Variants in FLT4 observed in about 807,000 individuals in gnomAD.
FLT4 encodes the protein vascular endothelial growth factor receptor 3.
Under a neutral mutation model 163.2 loss-of-function variants are expected in FLT4, and 30 were observed. That is an observed-to-expected ratio of 0.18 (90% confidence interval 0.14 to 0.25). The LOEUF (loss-of-function observed/expected upper bound fraction) is 0.25. Among genes scored for constraint, FLT4 ranks in the 10% least tolerant of loss-of-function variants. The pLI is 1.00. For synonymous variants in FLT4, 884 were observed against 789.5 expected (o/e 1.12, Z -2.01); for missense variants, 1,510 against 1,863.8 (o/e 0.81, Z 3.50).
rs778806900 is a variant in FLT4 at position 180,616,408 on chromosome 5, G to A, written c.3178C>T (p.Arg1060Trp). ...VVKICDFGLARDIYKDPDYVR... is the reference protein window; with the variant it reads ...VVKICDFGLAWDIYKDPDYVR... ...TAGTCGGGGTCTTTGTAGATGTCCC[G>A]GGCAAGGCCAAAGTCACAGATCTTC... The change falls in exon 23 of 30, where the codon CGG becomes TGG. Residue 1060 changes from arginine (R) to tryptophan (W), a missense_variant. Around this residue, in one of 5 missense-constraint regions of FLT4, gnomAD observed 878 missense variants for 1,016.7 expected, o/e 0.86. Transcript: ENST00000261937. 1.1e-5 allele frequency: 18 copies of A among 1,613,884 alleles called. No homozygotes were observed. The East Asian group carries it at 2.4e-4, about 22-fold the overall frequency.
intron 26 of FLT4, among the ~76,000 whole-genome samples, chr5:180,612,196 C>T (rs1482249171): frequency 5.3e-5 from 8 of 152,164 alleles, no homozygotes; most frequent in African/African-American, 7.2e-5. Context: ...TACATCATGA[C>T]GATGCCAGGG....
chr5:180,648,679 C>G (rs995180847), intron 1 of FLT4, among the ~76,000 whole-genome samples: 45 of 152,158 alleles, frequency 3.0e-4, no homozygotes, highest in African/African-American at 1.0e-3. Flanking sequence ...GTCCCTCTTT[C>G]CAACCCCTCC....
chr5:180,606,621 C>T (rs1171607947), intron 29 of FLT4, among the ~76,000 whole-genome samples: 4 of 152,228 alleles, frequency 2.6e-5, no homozygotes, highest in Non-Finnish European at 2.9e-5. Flanking sequence ...TTTGAATTTA[C>T]GTGGCGATCA....
chr5:180,635,882 T>A (rs1339716676), intron 1 of FLT4, among the ~76,000 whole-genome samples: 1 of 73,414 alleles, frequency 1.4e-5, no homozygotes. Flanking sequence ...GGTGGATGGA[T>A]GGATGGGAGT....
At chr5:180,603,478 T>G in intron 29 of FLT4, 88 bp from the exon 30 acceptor site, 13 of 1,237,236 alleles carry the variant, frequency 1.1e-5, no homozygotes, top group Non-Finnish European at 1.5e-5. Context: ...TTGGGAGGCC[T>G]AGGCAGGCGG....
chr5:180,606,229 C>T (rs1318659694), intron 29 of FLT4, among the ~76,000 whole-genome samples: 1 of 152,208 alleles, frequency 6.6e-6, no homozygotes, highest in East Asian at 1.9e-4. Flanking sequence ...TTCCTTAGGA[C>T]CCATGTCTTC....
At chr5:180,606,912 A>AC (rs1260951118) in intron 29 of FLT4, among the ~76,000 whole-genome samples, 4,539 of 108,028 alleles carry the variant, frequency 0.042, 96 homozygotes, top group Non-Finnish European at 0.054. Flanking sequence ...AAAAAAAAAA[A>AC]AAACAAACAA....
In FLT4 at chr5:180,620,941, C is replaced by T. The variant is rs184409663; in HGVS notation, c.2234G>A (p.Arg745His). ...GGCGTTGCACACGCTGCACAGATAGCGTCCCGCATCCTCCTCGCGCACGCG... is the reference window on the plus strand; with the variant it reads ...GGCGTTGCACACGCTGCACAGATAGTGTCCCGCATCCTCCTCGCGCACGCG... ...IQRVREEDAG[R>H]YLCSVCNAKG... The change falls in exon 15 of 30, where the codon CGC becomes CAC. Residue 745 changes from arginine (R) to histidine (H), a missense_variant. Arg to His is a conservative substitution (Grantham distance 29). Around this residue, in one of 5 missense-constraint regions of FLT4, gnomAD observed 878 missense variants for 1,016.7 expected, o/e 0.86. Transcript: ENST00000261937. The surrounding 1 kb of genome is among the most constrained non-coding windows in gnomAD (Gnocchi z 4.4). 1.2e-6 allele frequency: 2 copies of T among 1,610,226 alleles called. No homozygotes were observed. The highest frequency in any genetic ancestry group is 2.2e-5 in the East Asian group (1 of 44,772).
chr5:180,646,028 A>G (rs1308819276), intron 1 of FLT4, among the ~76,000 whole-genome samples: 1 of 152,138 alleles, frequency 6.6e-6, no homozygotes, highest in Non-Finnish European at 1.5e-5. Context: ...AGCCAGACAC[A>G]GAGAAGCACC....
chr5:180,640,491 C>T (rs1421344115), intron 1 of FLT4, among the ~76,000 whole-genome samples: 2 of 152,348 alleles, frequency 1.3e-5, no homozygotes, highest in Non-Finnish European at 1.5e-5. Context: ...GGAAGGCCCA[C>T]GTAGGAGGCA....
chr5:180,644,734 C>T (rs550002783), intron 1 of FLT4, among the ~76,000 whole-genome samples: 13 of 152,394 alleles, frequency 8.5e-5, no homozygotes, highest in South Asian at 4.1e-4. Flanking sequence ...CTGCCGGACA[C>T]GCCACATCTG....
Position 180,626,166 on chromosome 5 carries a change from C to T in FLT4, c.1203G>A (p.Leu401=). The T allele has an allele frequency of 1.9e-6, 3 of 1,612,872 alleles. No individual in the cohort carries two copies. Among genetic ancestry groups the T allele is most frequent in the Admixed American group, 3.3e-5 (2 of 60,030 alleles). ...GCCTCAGGCCAGCAGCGGAGTTCCACAGGGCGAGGGTGTAGGTGCCTGTGC... is the reference window on the plus strand; with the variant it reads ...GCCTCAGGCCAGCAGCGGAGTTCCATAGGGCGAGGGTGTAGGTGCCTGTGC... ...EASTGTYTLA[L]WNSAAGLRRN... Residue 401 remains leucine (L), a synonymous_variant, in exon 9 of 30, where the codon CTG becomes CTA. Coordinates refer to ENST00000261937, the MANE Select transcript of FLT4 (RefSeq NM_182925.5).
chr5:180,613,711 A>C (rs963385613), intron 24 of FLT4: 6 of 394,718 alleles, frequency 1.5e-5, no homozygotes, highest in African/African-American at 1.2e-4. Flanking sequence ...AGACTTCATC[A>C]TGCTCGCAGC....
intron 29 of FLT4, among the ~76,000 whole-genome samples, chr5:180,606,623 T>C (rs956011838): frequency 7.9e-5 from 12 of 152,274 alleles, no homozygotes; most frequent in Non-Finnish European, 1.6e-4. Flanking sequence ...TGAATTTACG[T>C]GGCGATCATT....
chr5:180,621,409 T>C, intron 13 of FLT4, 133 bp downstream of exon 13: 10 of 1,434,338 alleles, frequency 7.0e-6, no homozygotes, highest in Middle Eastern at 2.5e-4. Flanking sequence ...GGGCGGCGGA[T>C]AGTCAGGAGG....
chr5:180,608,112 G>T, intron 29 of FLT4: 1 of 700,454 alleles, frequency 1.4e-6, no homozygotes, highest in Admixed American at 2.0e-5. Flanking sequence ...TGCTTCAGTG[G>T]TCACACTCCT....
At chr5:180,622,933 C>CCG in intron 11 of FLT4, 94 bp from the exon 12 acceptor site, 1 of 791,966 alleles carries the variant, frequency 1.3e-6, no homozygotes, top group Non-Finnish European at 2.2e-6. Context: ...GCACCACCCC[C>CCG]CCCAATCATG....
intron 21 of FLT4, 126 bp downstream of exon 21, chr5:180,618,644 A>G (rs1762860013): frequency 2.9e-6 from 3 of 1,030,996 alleles, no homozygotes; most frequent in Admixed American, 2.2e-5. Context: ...TTCCCTTCCT[A>G]AGGCAGAGCC....
At chr5:180,605,808 G>C (rs953291677) in intron 29 of FLT4, among the ~76,000 whole-genome samples, 2 of 152,174 alleles carry the variant, frequency 1.3e-5, no homozygotes, top group Non-Finnish European at 2.9e-5. Context: ...CCAGTTTCCT[G>C]ATCTCCTTCC....
Sources: allele counts gnomAD v4.1 joint callset (sites outside exome capture counted in the v4.1 genomes callset), GRCh38; gene constraint gnomAD v4.1.1; regional missense constraint gnomAD v4.1.1; non-coding constraint Gnocchi (gnomAD v3.1); transcripts MANE v1.5; gene names NCBI Gene and HGNC (gene_info 2026-07-23, HGNC 2026-07-21).